The following TGM2 variants were observed in gnomAD, a reference collection of about 807,000 sequenced individuals.
TGM2 encodes protein-glutamine gamma-glutamyltransferase 2.
TGM2 carries 53 observed loss-of-function variants against 75.6 expected under a neutral mutation model. The ratio of observed to expected loss-of-function variants is 0.70; its 90% CI spans 0.56 to 0.88. TGM2 has a LOEUF of 0.88. TGM2 is among the 40% of genes least tolerant of loss of function. The pLI is 0.00. For missense variants in TGM2, 842 were observed against 928.5 expected (o/e 0.91, Z 1.21); for synonymous variants, 374 against 381.1 (o/e 0.98, Z 0.22).
At chr20:38,139,728 T>G in intron 8 of TGM2, 74 bp from the exon 9 acceptor site, 1 of 1,590,214 alleles carries the variant, frequency 6.3e-7, no homozygotes, top group Non-Finnish European at 8.6e-7. Flanking sequence ...GCTCCACAAT[T>G]CAATCACATG....
At position 38,130,239 on chromosome 20, in the gene TGM2, C is replaced by T; in HGVS notation, c.2044G>A (p.Val682Ile). The T allele has an allele frequency of 2.5e-6, 4 of 1,613,450 alleles. No individual in the cohort carries two copies. The highest frequency in any genetic ancestry group is 2.2e-5 in the East Asian group (1 of 44,874). ...GTCCCTTAGGCGGGGCCAATGATGA[C>T]ATTCCGGAAGCCCTTCACAGCCTTC... ...KLKAVKGFRN[V>I]IIGPA The change falls in exon 13 of 13, where the codon GTC becomes ATC. Residue 682 changes from valine (V) to isoleucine (I), a missense_variant. Coordinates refer to ENST00000361475, the MANE Select transcript of TGM2 (RefSeq NM_004613.4).
chr20:38,141,727 C>T (rs2122886442), intron 7 of TGM2, among the ~76,000 whole-genome samples: 1 of 151,850 alleles, frequency 6.6e-6, no homozygotes, highest in East Asian at 1.9e-4. Flanking sequence ...CGCCCCAGCC[C>T]CCCGCCCATC....
chr20:38,163,509 T>A (rs562518786), intron 1 of TGM2, among the ~76,000 whole-genome samples: 49 of 152,314 alleles, frequency 3.2e-4, no homozygotes, highest in African/African-American at 1.2e-3. Flanking sequence ...TGGCTCCAGG[T>A]CCCAGAGCAA....
upstream of TGM2, among the ~76,000 whole-genome samples, chr20:38,167,942 G>T (rs1210407875): frequency 6.6e-6 from 1 of 152,122 alleles, no homozygotes; most frequent in Admixed American, 6.5e-5. Context: ...GGGCAGTATT[G>T]GTACCCACTC....
chr20:38,144,160 G>A (rs890964311), intron 6 of TGM2, among the ~76,000 whole-genome samples: 3 of 152,166 alleles, frequency 2.0e-5, no homozygotes, highest in African/African-American at 7.2e-5. Context: ...GTCCCGGGAG[G>A]CCTCCTCATC....
chr20:38,146,857 C>G lies in TGM2; in HGVS notation c.719G>C (p.Arg240Pro). ...CNDDQGVLLG[R>P]WDNNYGDGVS... The stretch of plus-strand genomic sequence containing the variant: ...GCCGTCCCCGTAGTTGTTGTCCCAG[C>G]GTCCCAGCAGCACACCCTGGTCATC... The change falls in exon 6 of 13, where the codon CGC becomes CCC. Residue 240 changes from arginine (R) to proline (P), a missense_variant. Physicochemically the swap from Arg to Pro is moderately radical, Grantham distance 103. Transcript: ENST00000361475. 1 of 1,613,952 alleles carries G rather than the reference C, an allele frequency of 6.2e-7. No homozygotes were observed. Among genetic ancestry groups the G allele is most frequent in the Non-Finnish European group, 8.5e-7 (1 of 1,180,034 alleles).
chr20:38,146,492 G>A (rs963567419), intron 6 of TGM2: 48 of 659,768 alleles, frequency 7.3e-5, no homozygotes, highest in Non-Finnish European at 1.1e-4. Context: ...TCAGCCCTGA[G>A]CCCATGCAGT....
chr20:38,144,528 C>T (rs1489170128), intron 6 of TGM2, among the ~76,000 whole-genome samples: 4 of 152,186 alleles, frequency 2.6e-5, no homozygotes, highest in East Asian at 1.9e-4. Flanking sequence ...ATGCCAGGCT[C>T]CCCTGGAAAT....
At chr20:38,141,083 T>C (rs922618855) in intron 8 of TGM2, among the ~76,000 whole-genome samples, 199 bp downstream of exon 8, 3 of 152,230 alleles carry the variant, frequency 2.0e-5, no homozygotes, top group African/African-American at 7.2e-5. Flanking sequence ...TTTCCTGCTT[T>C]CCGCAATGCA....
chr20:38,132,961 A>G (rs1375535068), intron 10 of TGM2: 1 of 424,470 alleles, frequency 2.4e-6, no homozygotes, highest in Admixed American at 2.5e-5. Flanking sequence ...TGCACCAGGC[A>G]CTGCACTTCC....
intron 1 of TGM2, among the ~76,000 whole-genome samples, chr20:38,163,449 G>A (rs769106683): frequency 1.7e-4 from 26 of 152,286 alleles, no homozygotes; most frequent in Middle Eastern, 3.4e-3. Flanking sequence ...AAACAACTCC[G>A]CTTACATAGA....
rs1434309260 is a variant in TGM2, at chr20:38,127,797, T to C, written c.*2422A>G. ...TAAAGCTAATTCCACCTATGGCTTTTTTACTGTTTTCAATGTGGTCACTAG... is the reference window on the plus strand; with the variant it reads ...TAAAGCTAATTCCACCTATGGCTTTCTTACTGTTTTCAATGTGGTCACTAG... On this transcript the variant is annotated 3_prime_UTR_variant, in exon 13 of 13. Transcript: ENST00000361475. 2.0e-5 allele frequency: 3 copies of C among 152,242 alleles called. No homozygotes were observed. In the South Asian group the frequency reaches 6.2e-4, roughly 31 times the overall value. 9.4% of individuals were successfully genotyped at this position (152,242 alleles called of 1,614,324 possible). A position where few individuals can be genotyped will look rare whatever the true frequency, so the allele number is the denominator to read the frequency against.
intron 6 of TGM2, among the ~76,000 whole-genome samples, chr20:38,144,449 G>T (rs890859251): frequency 6.6e-6 from 1 of 152,136 alleles, no homozygotes; most frequent in African/African-American, 2.4e-5. Context: ...GGCAAACGTC[G>T]TCCATCAGTG....
intron 4 of TGM2, 21 bp from the exon 5 acceptor site, chr20:38,148,110 G>A: frequency 6.2e-7 from 1 of 1,613,808 alleles, no homozygotes; most frequent in African/African-American, 1.3e-5. Context: ...GGAAACAAGA[G>A]GAGAAAGAGG....
At chr20:38,135,241 T>C (rs1322179867) in intron 10 of TGM2, among the ~76,000 whole-genome samples, 1 of 152,152 alleles carries the variant, frequency 6.6e-6, no homozygotes, top group Non-Finnish European at 1.5e-5. Flanking sequence ...TGCCACTCAT[T>C]CTAGGACAGA....
rs111895659 is a variant in TGM2 at position 38,131,349 on chromosome 20, A to ACCCCCCCCCCCCC, written c.1777-121_1777-120insGGGGGGGGGGGGG. The ACCCCCCCCCCCCC allele has an allele frequency of 7.6e-6, 10 of 1,312,810 alleles. No individual in the cohort carries two copies. In the African/African-American group the frequency reaches 1.4e-4, roughly 19 times the overall value. 81.3% of individuals were successfully genotyped at this position (1,312,810 alleles called of 1,614,324 possible). A position where few individuals can be genotyped will look rare whatever the true frequency, so the allele number is the denominator to read the frequency against. On this transcript the variant is annotated intron_variant, in intron 11 of 12. Coordinates refer to ENST00000361475, the MANE Select transcript of TGM2 (RefSeq NM_004613.4). ...AGCTGTACCCAGGTCTGCCACGATC[A>ACCCCCCCCCCCCC]CCCCCCCTCCCCCCACCTCTGTGCC...
chr20:38,144,643 T>A (rs45554738), intron 6 of TGM2, among the ~76,000 whole-genome samples: 1,671 of 152,294 alleles, frequency 0.011, 29 homozygotes, highest in African/African-American at 0.038. Context: ...CTCCATTTTA[T>A]AGATGAGGAA....
At chr20:38,141,228 T>C in intron 8 of TGM2, 54 bp downstream of exon 8, 1 of 1,455,068 alleles carries the variant, frequency 6.9e-7, no homozygotes, top group Non-Finnish European at 9.4e-7. Context: ...TCACTTTAAC[T>C]CTCCAAGCCT....
intron 3 of TGM2, among the ~76,000 whole-genome samples, chr20:38,152,124 T>G: frequency 6.6e-6 from 1 of 152,218 alleles, no homozygotes; most frequent in Non-Finnish European, 1.5e-5. Flanking sequence ...AACCTATTGT[T>G]CAACTTAAAT....
Sources: allele counts gnomAD v4.1 joint callset (sites outside exome capture counted in the v4.1 genomes callset), GRCh38; gene constraint gnomAD v4.1.1; transcripts MANE v1.5; gene names NCBI Gene and HGNC (gene_info 2026-07-23, HGNC 2026-07-21).